GLCCI1: variants seen among roughly 807,000 people sequenced by gnomAD.
The protein encoded by GLCCI1 is glucocorticoid-induced transcript 1 protein.
Under a neutral mutation model 52.2 loss-of-function variants are expected in GLCCI1, and 24 were observed. The ratio of observed to expected loss-of-function variants is 0.46; its 90% CI spans 0.33 to 0.65. The LOEUF (loss-of-function observed/expected upper bound fraction) is 0.65, where lower values mean the gene tolerates loss of function less well. Ranked by LOEUF, GLCCI1 falls within the 30% of genes least tolerant of loss-of-function variation. The pLI, the probability that GLCCI1 is intolerant of heterozygous loss-of-function variation, is 0.02. For synonymous variants in GLCCI1, 310 were observed against 276.5 expected (o/e 1.12, Z -1.20); for missense variants, 704 against 701.5 (o/e 1.00, Z -0.04).
chr7:8,015,658 C>T (rs1335558045), intron 2 of GLCCI1, among the ~76,000 whole-genome samples: 1 of 152,092 alleles, frequency 6.6e-6, no homozygotes, highest in African/African-American at 2.4e-5. Context: ...GGAGTAATTT[C>T]TTTGGTTGCT....
intron 2 of GLCCI1, among the ~76,000 whole-genome samples, chr7:8,014,485 A>G (rs1231849187): frequency 6.6e-6 from 1 of 152,198 alleles, no homozygotes; most frequent in Non-Finnish European, 1.5e-5. Context: ...ATCAGTGAAT[A>G]TGTTTGTTAA....
intron 2 of GLCCI1, among the ~76,000 whole-genome samples, chr7:8,018,953 T>C (rs190228255): frequency 2.0e-5 from 3 of 152,320 alleles, no homozygotes; most frequent in East Asian, 1.9e-4. Flanking sequence ...CTTGCTGATA[T>C]GAAAGGAAAG....
intron 7 of GLCCI1, 72 bp downstream of exon 7, chr7:8,085,089 A>C (rs573397449): frequency 6.5e-7 from 1 of 1,536,170 alleles, no homozygotes; most frequent in East Asian, 2.3e-5. Context: ...AGTTGATTAC[A>C]TATGAATCAA....
chr7:8,057,420 A>G (rs901547149), intron 4 of GLCCI1, among the ~76,000 whole-genome samples: 2 of 152,178 alleles, frequency 1.3e-5, no homozygotes, highest in African/African-American at 4.8e-5. Flanking sequence ...AATCTCAAAA[A>G]CATCATGCTA....
chr7:7,969,848 C>A lies in GLCCI1; in HGVS notation c.457+41C>A, dbSNP rs979806896. The A allele has an allele frequency of 7.4e-7, 1 of 1,355,842 alleles. No homozygotes were observed. Among genetic ancestry groups the A allele is most frequent in the Non-Finnish European group, 9.6e-7 (1 of 1,046,018 alleles). The allele number at this position is 1,355,842 out of a possible 1,614,324, so 84.0% of individuals were successfully genotyped here. ...CTCCCGTCCTCCCGGGCTGCGTCTC[C>A]CCGACGGTGCCCTCCGTGGAAACTT... On this transcript the variant is annotated intron_variant, in intron 1 of 7. Transcript: ENST00000223145. The surrounding 1 kb of genome is among the most constrained non-coding windows in gnomAD (Gnocchi z 4.9).
intron 1 of GLCCI1, among the ~76,000 whole-genome samples, chr7:8,000,644 T>C (rs1781033770): frequency 6.6e-6 from 1 of 152,074 alleles, no homozygotes; most frequent in African/African-American, 2.4e-5. Flanking sequence ...GGGCATACCA[T>C]GTAAATTAAC....
rs1448554644 is a variant in GLCCI1 at position 7,969,660 on chromosome 7, CCCAGCCCGT to C, written c.319_327del (p.Ser107_Pro109del). The stretch of plus-strand genomic sequence containing the variant: ...CCCGGGGCCCGGCGCGGCCCGCGGC[CCCAGCCCGT>C]CCAGCCCGACGCCGCCGGCGGCCGC... On this transcript the variant is annotated inframe_deletion, in exon 1 of 8. Transcript: ENST00000223145. The surrounding 1 kb of genome is among the most constrained non-coding windows in gnomAD (Gnocchi z 4.9). The C allele has an allele frequency of 1.7e-5, 18 of 1,054,726 alleles. No individual in the cohort carries two copies. Among genetic ancestry groups the C allele is most frequent in the African/African-American group, 1.4e-4 (8 of 57,416 alleles). 65.3% of individuals were successfully genotyped at this position (1,054,726 alleles called of 1,614,324 possible). A position where few individuals can be genotyped will look rare whatever the true frequency, so the allele number is the denominator to read the frequency against.
At chr7:8,060,746 A>C (rs1434897986) in intron 5 of GLCCI1, among the ~76,000 whole-genome samples, 1 of 152,150 alleles carries the variant, frequency 6.6e-6, no homozygotes, top group African/African-American at 2.4e-5. Context: ...GGATTGTTTT[A>C]GTTTTTGGCT....
intron 5 of GLCCI1, among the ~76,000 whole-genome samples, chr7:8,068,323 C>G (rs1419931930): frequency 6.6e-6 from 1 of 152,154 alleles, no homozygotes; most frequent in Non-Finnish European, 1.5e-5. Flanking sequence ...GCACTCCATC[C>G]TGGCAACAAG....
chr7:7,981,071 T>C (rs943270857), intron 1 of GLCCI1: 13 of 474,704 alleles, frequency 2.7e-5, no homozygotes, highest in African/African-American at 2.3e-4. Flanking sequence ...CTTTTAGAGA[T>C]GGTGGGAGAC....
chr7:8,055,620 G>C, intron 4 of GLCCI1, 71 bp downstream of exon 4: 1 of 898,730 alleles, frequency 1.1e-6, no homozygotes, highest in Admixed American at 1.9e-5. Context: ...CATCATTTCA[G>C]CATTTAAAAA....
At chr7:8,070,383 G>A (rs889926651) in intron 5 of GLCCI1, 14 of 152,902 alleles carry the variant, frequency 9.2e-5, no homozygotes, top group African/African-American at 3.1e-4. Flanking sequence ...AGTACTAATA[G>A]AATAAACCTC....
chr7:7,983,351 A>T (rs931074653), intron 1 of GLCCI1, among the ~76,000 whole-genome samples: 2 of 152,194 alleles, frequency 1.3e-5, no homozygotes, highest in African/African-American at 4.8e-5. Context: ...AGTGCCTCAA[A>T]ATATAAAATA....
intron 6 of GLCCI1, among the ~76,000 whole-genome samples, chr7:8,073,041 T>C: frequency 6.6e-6 from 1 of 152,294 alleles, no homozygotes; most frequent in East Asian, 1.9e-4. Context: ...TTTTCCTAAA[T>C]ATGTATAATC....
intron 1 of GLCCI1, among the ~76,000 whole-genome samples, chr7:8,002,819 C>A (rs768289901): frequency 6.6e-6 from 1 of 152,166 alleles, no homozygotes; most frequent in Non-Finnish European, 1.5e-5. Flanking sequence ...CTATAGTTAT[C>A]TGTGTAGATT....
At chr7:8,053,892 C>CT (rs539249211) in intron 3 of GLCCI1, among the ~76,000 whole-genome samples, 2 of 152,026 alleles carry the variant, frequency 1.3e-5, no homozygotes, top group Non-Finnish European at 2.9e-5. Flanking sequence ...GGTTGGTAAT[C>CT]TAAGTGAAGT....
chr7:8,048,012 C>T (rs1252115195), intron 3 of GLCCI1, among the ~76,000 whole-genome samples: 1 of 152,074 alleles, frequency 6.6e-6, no homozygotes, highest in African/African-American at 2.4e-5. Flanking sequence ...CTCATTTTTT[C>T]CCTAACTCAA....
In GLCCI1 at chr7:8,055,655, A is replaced by G. The variant is rs1012901804; in HGVS notation, c.813+106A>G. 3 of 745,910 alleles carry G rather than the reference A, an allele frequency of 4.0e-6. No homozygotes were observed. The African/African-American group carries it at 5.3e-5, about 13-fold the overall frequency. 46.2% of individuals were successfully genotyped at this position (745,910 alleles called of 1,614,324 possible). A position where few individuals can be genotyped will look rare whatever the true frequency, so the allele number is the denominator to read the frequency against. On this transcript the variant is annotated intron_variant, in intron 4 of 7. Coordinates refer to ENST00000223145, the MANE Select transcript of GLCCI1 (RefSeq NM_138426.4). ...AAACCCATAAATATTTAGCTCTACT[A>G]AATTACTAGTTTGTTAAATTGTTAT... is the stretch of plus-strand genomic sequence containing the variant.
chr7:7,989,503 T>C (rs37995), intron 1 of GLCCI1, among the ~76,000 whole-genome samples: 65,241 of 151,954 alleles, frequency 0.43, 14,245 homozygotes, highest in Middle Eastern at 0.52. Flanking sequence ...TGTACTTTAT[T>C]CACAGTGATT....
Sources: allele counts gnomAD v4.1 joint callset (sites outside exome capture counted in the v4.1 genomes callset), GRCh38; gene constraint gnomAD v4.1.1; non-coding constraint Gnocchi (gnomAD v3.1); transcripts MANE v1.5; gene names NCBI Gene and HGNC (gene_info 2026-07-23, HGNC 2026-07-21).